Variants in TNIK observed in about 807,000 individuals in gnomAD.
The protein encoded by TNIK is TRAF2 and NCK interacting kinase.
In TNIK, 49 loss-of-function variants were observed where a neutral mutation model predicts 191.3. The observed-to-expected ratio is 0.26, with a 90% CI of 0.20 to 0.32. The LOEUF is 0.32. Among genes scored for constraint, TNIK ranks in the 10% least tolerant of loss-of-function variants. The probability of loss-of-function intolerance (pLI) is 1.00; values close to 1 mark genes in which losing one functional copy is unlikely to be tolerated. For synonymous variants in TNIK, 594 were observed against 600.9 expected (o/e 0.99, Z 0.17); for missense variants, 1,155 against 1,702.3 (o/e 0.68, Z 5.66).
intron 15 of TNIK, among the ~76,000 whole-genome samples, chr3:171,137,978 A>AC (rs1173373584): frequency 6.7e-6 from 1 of 149,584 alleles, no homozygotes; most frequent in Non-Finnish European, 1.5e-5. Flanking sequence ...CAAAAAAAAA[A>AC]AAAAAACAAA....
chr3:171,105,876 A>G (rs1402963868), intron 21 of TNIK, among the ~76,000 whole-genome samples: 1 of 152,184 alleles, frequency 6.6e-6, no homozygotes, highest in African/African-American at 2.4e-5. Flanking sequence ...TTCTGGGAGA[A>G]AACTGACAAA....
intron 2 of TNIK, among the ~76,000 whole-genome samples, chr3:171,258,654 G>A (rs1337469587): frequency 6.6e-6 from 1 of 152,106 alleles, no homozygotes; most frequent in Non-Finnish European, 1.5e-5. Context: ...GCTCTTCCAA[G>A]TCAGGCCCAA....
chr3:171,382,760 C>A (rs1458945555), intron 1 of TNIK, among the ~76,000 whole-genome samples: 2 of 152,080 alleles, frequency 1.3e-5, no homozygotes, highest in Non-Finnish European at 2.9e-5. Flanking sequence ...GAATGGAGTC[C>A]TCTACTGACC....
At chr3:171,122,727 A>C (rs540187263) in intron 18 of TNIK, among the ~76,000 whole-genome samples, 1 of 152,332 alleles carries the variant, frequency 6.6e-6, no homozygotes, top group Non-Finnish European at 1.5e-5. Flanking sequence ...TTATGAACAC[A>C]ATGAAGAAGA....
chr3:171,359,511 T>C (rs1240321110), intron 2 of TNIK, among the ~76,000 whole-genome samples: 1 of 152,172 alleles, frequency 6.6e-6, no homozygotes, highest in Non-Finnish European at 1.5e-5. Context: ...AGTAGTTCTG[T>C]GCTTCTCCTT....
intron 2 of TNIK, among the ~76,000 whole-genome samples, chr3:171,302,684 G>A (rs923003154): frequency 6.6e-6 from 1 of 152,192 alleles, no homozygotes; most frequent in African/African-American, 2.4e-5. Context: ...TGTTTTAAAG[G>A]AAAGTCATTA....
chr3:171,309,271 G>A (rs1299067326), intron 2 of TNIK, among the ~76,000 whole-genome samples: 1 of 152,068 alleles, frequency 6.6e-6, no homozygotes, highest in Non-Finnish European at 1.5e-5. Flanking sequence ...GGAGCTGGAG[G>A]TCATCATCCC....
chr3:171,274,356 C>A (rs1749465780), intron 2 of TNIK, among the ~76,000 whole-genome samples: 1 of 152,140 alleles, frequency 6.6e-6, no homozygotes, highest in African/African-American at 2.4e-5. Flanking sequence ...CTGAGCCACT[C>A]TCTCTCAGGT....
intron 1 of TNIK, among the ~76,000 whole-genome samples, chr3:171,459,555 G>A (rs931456050): frequency 6.6e-6 from 1 of 152,092 alleles, no homozygotes; most frequent in Non-Finnish European, 1.5e-5. Flanking sequence ...GCCTCACAAT[G>A]TCATCTTGCA....
intron 2 of TNIK, among the ~76,000 whole-genome samples, chr3:171,273,369 T>C (rs6785170): frequency 0.35 from 53,487 of 152,010 alleles, 9,775 homozygotes; most frequent in African/African-American, 0.45. Context: ...AGGCAAAGTC[T>C]TGTGCTTACT....
chr3:171,376,377 G>A (rs996675335), intron 1 of TNIK, among the ~76,000 whole-genome samples: 1 of 152,156 alleles, frequency 6.6e-6, no homozygotes, highest in South Asian at 2.1e-4. Flanking sequence ...GGTTTGCAGA[G>A]TCAAAGGTCT....
chr3:171,336,200 T>C (rs761889563), intron 2 of TNIK, among the ~76,000 whole-genome samples: 5 of 152,156 alleles, frequency 3.3e-5, no homozygotes, highest in Non-Finnish European at 7.4e-5. Context: ...GGTTTTTGTT[T>C]TCCTCCATTT....
intron 12 of TNIK, among the ~76,000 whole-genome samples, chr3:171,147,542 T>A (rs1027184960): frequency 3.3e-5 from 5 of 152,184 alleles, no homozygotes; most frequent in Non-Finnish European, 7.3e-5. Context: ...AACCTTTTTT[T>A]ATGTAAGGAC....
chr3:171,455,574 T>G (rs1384233070), intron 1 of TNIK, among the ~76,000 whole-genome samples: 1 of 152,152 alleles, frequency 6.6e-6, no homozygotes, highest in African/African-American at 2.4e-5. Flanking sequence ...ATCATTGCAA[T>G]CAAATGTTGA....
At chr3:171,078,999 A>T (rs1018964576) in intron 28 of TNIK, among the ~76,000 whole-genome samples, 57 of 152,114 alleles carry the variant, frequency 3.7e-4, no homozygotes, top group African/African-American at 1.4e-3. Context: ...GCTGCTCATG[A>T]ATTTTCTAAC....
At chr3:171,288,804 TCTC>T (rs1406087135) in intron 2 of TNIK, among the ~76,000 whole-genome samples, 5 of 80,346 alleles carry the variant, frequency 6.2e-5, no homozygotes, top group Non-Finnish European at 1.2e-4. Context: ...CAAGACTCCA[TCTC>T]AAAAAAAAAA....
chr3:171,429,097 C>T (rs966316175), intron 1 of TNIK, among the ~76,000 whole-genome samples: 9 of 152,078 alleles, frequency 5.9e-5, no homozygotes, highest in Admixed American at 2.0e-4. Flanking sequence ...TCCACAACCA[C>T]GAGCTACACA....
chr3:171,342,697 T>TG (rs1711505426), intron 2 of TNIK, among the ~76,000 whole-genome samples: 1 of 152,106 alleles, frequency 6.6e-6, no homozygotes, highest in Non-Finnish European at 1.5e-5. Flanking sequence ...AATGAATAAA[T>TG]GGGGCAGAAA....
chr3:171,279,064 A>T (rs758533420), intron 2 of TNIK, among the ~76,000 whole-genome samples: 81 of 152,168 alleles, frequency 5.3e-4, no homozygotes, highest in Non-Finnish European at 1.5e-4. Flanking sequence ...AGGATTTCCT[A>T]ATTCTTGGTA....
Sources: allele counts gnomAD v4.1 joint callset (sites outside exome capture counted in the v4.1 genomes callset), GRCh38; gene constraint gnomAD v4.1.1; transcripts MANE v1.5; gene names NCBI Gene and HGNC (gene_info 2026-07-23, HGNC 2026-07-21).